Variants in TRDN observed in about 807,000 individuals in gnomAD.
The protein encoded by TRDN is triadin, also known as triadin in skeletal muscle.
TRDN carries 161 observed loss-of-function variants against 149.7 expected under a neutral mutation model. The observed-to-expected ratio is 1.08, with a 90% CI of 0.95 to 1.23. TRDN has a LOEUF of 1.23. TRDN is among the 50% of genes most tolerant of loss of function. The probability of loss-of-function intolerance (pLI) is 0.00; values close to 1 mark genes in which losing one functional copy is unlikely to be tolerated. For synonymous variants in TRDN, 294 were observed against 250.5 expected (o/e 1.17, Z -1.64); for missense variants, 896 against 823.5 (o/e 1.09, Z -1.08).
At chr6:123,359,057 G>A (rs1433095111) in intron 20 of TRDN, among the ~76,000 whole-genome samples, 1 of 152,030 alleles carries the variant, frequency 6.6e-6, no homozygotes, top group African/African-American at 2.4e-5. Flanking sequence ...TGCCCCGAGA[G>A]GTCATTGACT....
chr6:123,422,509 T>C (rs1374022894), intron 12 of TRDN, among the ~76,000 whole-genome samples: 1 of 152,122 alleles, frequency 6.6e-6, no homozygotes, highest in Non-Finnish European at 1.5e-5. Flanking sequence ...ATACCCTTCA[T>C]AACTCTGAAT....
rs1775104502 is a variant in TRDN, at chr6:123,220,403, AATTATT to A, written c.2050+1078_2050+1083del. Among the ~76,000 whole-genome samples, 11 of 151,974 alleles carry A rather than the reference AATTATT, an allele frequency of 7.2e-5. No homozygotes were observed. The South Asian group carries it at 2.1e-3, about 29-fold the overall frequency. On this transcript the variant is annotated intron_variant, in intron 40 of 40. Coordinates refer to ENST00000334268, the MANE Select transcript of TRDN (RefSeq NM_006073.4). ...CAAATGTTTATGTGACATAGCCACA[AATTATT>A]ACCAGTAGGTTAATAATTGGGAAAG...
intron 21 of TRDN, among the ~76,000 whole-genome samples, chr6:123,344,899 T>C (rs1252884988): frequency 6.6e-6 from 1 of 152,000 alleles, no homozygotes; most frequent in Admixed American, 6.6e-5. Flanking sequence ...GAGTTTCTGT[T>C]GCTCTACACC....
At chr6:123,232,586 T>C (rs1562221837) in intron 38 of TRDN, among the ~76,000 whole-genome samples, 1 of 151,838 alleles carries the variant, frequency 6.6e-6, no homozygotes. Context: ...GAAACTCTTA[T>C]GGTAAGAACT....
intron 9 of TRDN, among the ~76,000 whole-genome samples, chr6:123,485,697 T>C: frequency 6.6e-6 from 1 of 152,300 alleles, no homozygotes; most frequent in South Asian, 2.1e-4. Context: ...GAGGGTTTTA[T>C]GTGTATGTAT....
At chr6:123,418,160 G>A (rs150570850) in intron 12 of TRDN, among the ~76,000 whole-genome samples, 6 of 152,236 alleles carry the variant, frequency 3.9e-5, no homozygotes, top group African/African-American at 1.2e-4. Context: ...AAGTGTGACC[G>A]TTATTTCCCT....
At chr6:123,463,357 T>TA (rs1015961527) in intron 10 of TRDN, among the ~76,000 whole-genome samples, 4 of 146,136 alleles carry the variant, frequency 2.7e-5, no homozygotes, top group African/African-American at 7.8e-5. Context: ...AAAAAATAAA[T>TA]AATAAATAAA....
intron 21 of TRDN, chr6:123,351,842 C>T: frequency 1.0e-6 from 1 of 980,552 alleles, no homozygotes; most frequent in Non-Finnish European, 1.2e-6. Context: ...GAGGGAACGA[C>T]AATTAAAATT....
rs74396542 is a variant in TRDN at position 123,469,918 on chromosome 6, T to G, written c.854-4935A>C. On this transcript the variant is annotated intron_variant, in intron 9 of 40. Coordinates refer to ENST00000334268, the MANE Select transcript of TRDN (RefSeq NM_006073.4). Reference sequence around the variant, plus strand: ...CTGTTCCAGAACAGTATGAGCTCAGTACTTTTTCAGACTCTCAATTTTCTA... The same window carrying G: ...CTGTTCCAGAACAGTATGAGCTCAGGACTTTTTCAGACTCTCAATTTTCTA... 9.7e-3 allele frequency: 1,477 copies of G among 152,322 alleles called. 12 individuals are homozygous for G. The highest frequency in any genetic ancestry group is 0.024 in the Middle Eastern group (7 of 294). The allele number at this position is 152,322 out of a possible 1,614,324, so 9.4% of individuals were successfully genotyped here.
intron 1 of TRDN, among the ~76,000 whole-genome samples, chr6:123,599,534 A>G (rs9490831): frequency 0.013 from 1,995 of 152,178 alleles, 40 homozygotes; most frequent in African/African-American, 0.045. Flanking sequence ...TTCACTACCA[A>G]TTGCAAAAAA....
At chr6:123,555,631 A>G (rs1781615534) in intron 2 of TRDN, among the ~76,000 whole-genome samples, 1 of 152,178 alleles carries the variant, frequency 6.6e-6, no homozygotes, top group Admixed American at 6.5e-5. Context: ...GTTGTAACCA[A>G]AATAGTAATA....
At chr6:123,613,544 A>G (rs528541503) in intron 1 of TRDN, among the ~76,000 whole-genome samples, 2 of 152,260 alleles carry the variant, frequency 1.3e-5, no homozygotes, top group Non-Finnish European at 2.9e-5. Flanking sequence ...TAAATTAAGC[A>G]TGGAGACAGC....
At chr6:123,506,863 T>A (rs565253684) in intron 7 of TRDN, among the ~76,000 whole-genome samples, 2 of 152,182 alleles carry the variant, frequency 1.3e-5, no homozygotes, top group African/African-American at 4.8e-5. Flanking sequence ...TTTATTAAAT[T>A]ATACATTTTA....
At chr6:123,279,845 C>T (rs1274892945) in intron 24 of TRDN, among the ~76,000 whole-genome samples, 1 of 152,076 alleles carries the variant, frequency 6.6e-6, no homozygotes, top group Admixed American at 6.6e-5. Context: ...AATATTAATA[C>T]TGCCTTCTTT....
intron 12 of TRDN, among the ~76,000 whole-genome samples, chr6:123,428,554 A>T (rs1239015325): frequency 6.6e-6 from 1 of 152,188 alleles, no homozygotes; most frequent in Non-Finnish European, 1.5e-5. Context: ...AAACTAATAA[A>T]TTCCTTCTTT....
At chr6:123,502,729 C>T (rs1035495068) in intron 8 of TRDN, 1 of 984,248 alleles carries the variant, frequency 1.0e-6, no homozygotes, top group African/African-American at 1.7e-5. Flanking sequence ...CTAATAGAAA[C>T]CAATTCTTTG....
intron 1 of TRDN, among the ~76,000 whole-genome samples, chr6:123,616,707 G>A (rs1338065359): frequency 1.3e-5 from 2 of 152,028 alleles, no homozygotes; most frequent in African/African-American, 4.8e-5. Flanking sequence ...AGTATTTCCA[G>A]GTCAAACTGA....
Position 123,548,464 on chromosome 6 carries a change from A to G in TRDN, c.381T>C (p.Asp127=), listed in dbSNP as rs779812335. 2.6e-6 allele frequency: 4 copies of G among 1,566,364 alleles called. No homozygotes were observed. The South Asian group carries it at 3.7e-5, about 14-fold the overall frequency. The part of the protein sequence containing the change: ...EDEEDDDGDE[D]TDKGEIDEPP... ...CTATGTTCTTTGTACCTTTATCAGT[A>G]TCTTCGTCACCATCATCATCTTCTT... is the stretch of plus-strand genomic sequence containing the variant. The change falls in exon 3 of 41, where the codon GAT becomes GAC. Residue 127 remains aspartate, a synonymous_variant. Coordinates refer to ENST00000334268, the MANE Select transcript of TRDN (RefSeq NM_006073.4).
At chr6:123,330,106 C>A (rs1360438740) in intron 23 of TRDN, among the ~76,000 whole-genome samples, 1 of 151,824 alleles carries the variant, frequency 6.6e-6, no homozygotes, top group Non-Finnish European at 1.5e-5. Context: ...GAATATATTT[C>A]CAGACATCAG....
Sources: allele counts gnomAD v4.1 joint callset (sites outside exome capture counted in the v4.1 genomes callset), GRCh38; gene constraint gnomAD v4.1.1; transcripts MANE v1.5; gene names NCBI Gene and HGNC (gene_info 2026-07-23, HGNC 2026-07-21).